The following XYLT1 variants were observed in gnomAD, a reference collection of about 807,000 sequenced individuals.
XYLT1 encodes the protein beta-D-xylosyltransferase 1.
A neutral mutation model predicts 91.3 loss-of-function variants in XYLT1; 36 were observed. That is an observed-to-expected ratio of 0.39 (90% confidence interval 0.30 to 0.52). The LOEUF is 0.52. XYLT1 is among the 20% of genes least tolerant of loss of function. The pLI, the probability that XYLT1 is intolerant of heterozygous loss-of-function variation, is 0.68. For missense variants in XYLT1, 1,242 were observed against 1,284.5 expected (o/e 0.97, Z 0.51); for synonymous variants, 588 against 532.0 (o/e 1.11, Z -1.45).
At chr16:17,454,303 T>C (rs902983139) in intron 1 of XYLT1, among the ~76,000 whole-genome samples, 1 of 152,258 alleles carries the variant, frequency 6.6e-6, no homozygotes, top group African/African-American at 2.4e-5. Flanking sequence ...TAAATTGTGG[T>C]ATATTCCACA....
intron 5 of XYLT1, among the ~76,000 whole-genome samples, chr16:17,177,584 T>C (rs1190785484): frequency 6.6e-6 from 1 of 152,190 alleles, no homozygotes. Flanking sequence ...CTAGAATGTA[T>C]GAATGAATGA....
intron 2 of XYLT1, among the ~76,000 whole-genome samples, chr16:17,331,937 G>T (rs1464312040): frequency 6.6e-6 from 1 of 152,236 alleles, no homozygotes; most frequent in African/African-American, 2.4e-5. Flanking sequence ...GTCTCAGCAA[G>T]ACCAGGTACA....
chr16:17,335,218 C>G (rs1236904282), intron 2 of XYLT1, among the ~76,000 whole-genome samples: 1 of 146,738 alleles, frequency 6.8e-6, no homozygotes, highest in Non-Finnish European at 1.5e-5. Flanking sequence ...GACTCTGTCT[C>G]AAAAAAACAA....
At chr16:17,157,893 C>T (rs1282899348) in intron 6 of XYLT1, among the ~76,000 whole-genome samples, 4 of 152,178 alleles carry the variant, frequency 2.6e-5, no homozygotes, top group African/African-American at 9.7e-5. Flanking sequence ...GAATTACAGG[C>T]ATGTGCCACC....
At chr16:17,303,762 TG>T (rs1211942044) in intron 2 of XYLT1, among the ~76,000 whole-genome samples, 22 of 152,254 alleles carry the variant, frequency 1.4e-4, no homozygotes, top group African/African-American at 5.1e-4. Flanking sequence ...TATGATTAGT[TG>T]ATCAATGGGA....
In XYLT1 at chr16:17,259,372, G is replaced by A. The variant is rs1383032409; in HGVS notation, c.529C>T (p.His177Tyr). The change falls in exon 3 of 12, where the codon CAC becomes TAC. Residue 177 changes from histidine (H) to tyrosine (Y), a missense_variant. By Grantham distance (83) the His-to-Tyr change is moderately conservative. Around this residue, in one of 3 missense-constraint regions of XYLT1, gnomAD observed 437 missense variants for 411.5 expected, o/e 1.06. Coordinates refer to ENST00000261381, the MANE Select transcript of XYLT1 (RefSeq NM_022166.4). The stretch of plus-strand genomic sequence containing the variant: ...GGCTTCTTCGCCAACTCAGGCTGGT[G>A]CTTCTGCTTTTGAGTCCTGGGTGCG... The part of the protein sequence containing the change: ...NFAPRTQKQK[H>Y]QPELAKKPPS... The A allele has an allele frequency of 3.1e-6, 5 of 1,614,162 alleles. No homozygotes were observed. Among genetic ancestry groups the A allele is most frequent in the Non-Finnish European group, 8.5e-7 (1 of 1,180,034 alleles).
At chr16:17,188,570 G>A (rs976428611) in intron 5 of XYLT1, among the ~76,000 whole-genome samples, 1 of 152,130 alleles carries the variant, frequency 6.6e-6, no homozygotes, top group Non-Finnish European at 1.5e-5. Flanking sequence ...GCCTCCTCAG[G>A]GAAGCCATCC....
At chr16:17,345,999 C>T (rs1316190397) in intron 2 of XYLT1, among the ~76,000 whole-genome samples, 5 of 152,032 alleles carry the variant, frequency 3.3e-5, no homozygotes, top group East Asian at 1.9e-4. Flanking sequence ...TTAGTAAAGA[C>T]GGGGTCTCGC....
chr16:17,292,064 T>C (rs1288380943), intron 2 of XYLT1, among the ~76,000 whole-genome samples: 1 of 148,206 alleles, frequency 6.7e-6, no homozygotes, highest in African/African-American at 2.6e-5. Context: ...CCGGGCATGG[T>C]GGTGCCCACT....
chr16:17,462,620 T>C (rs1394400876), intron 1 of XYLT1, among the ~76,000 whole-genome samples: 2 of 152,138 alleles, frequency 1.3e-5, no homozygotes, highest in South Asian at 2.1e-4. Flanking sequence ...CAGGTACAAG[T>C]GGCGGGCTCC....
At chr16:17,367,087 C>T (rs1001430573) in intron 1 of XYLT1, among the ~76,000 whole-genome samples, 1 of 152,166 alleles carries the variant, frequency 6.6e-6, no homozygotes, top group Non-Finnish European at 1.5e-5. Context: ...TCACCATGAT[C>T]CTCTCACACT....
intron 2 of XYLT1, among the ~76,000 whole-genome samples, chr16:17,340,112 C>A (rs1387051332): frequency 1.3e-5 from 2 of 152,052 alleles, no homozygotes; most frequent in Non-Finnish European, 2.9e-5. Flanking sequence ...ATCCACCCAC[C>A]CATCCTGTAT....
At chr16:17,151,087 C>T (rs898732767) in intron 6 of XYLT1, among the ~76,000 whole-genome samples, 7 of 152,288 alleles carry the variant, frequency 4.6e-5, no homozygotes, top group Admixed American at 6.5e-5. Context: ...AGGGAAACTC[C>T]GCAGTCAGCA....
chr16:17,174,197 G>A (rs1030965608), intron 5 of XYLT1, among the ~76,000 whole-genome samples: 1 of 152,142 alleles, frequency 6.6e-6, no homozygotes, highest in African/African-American at 2.4e-5. Flanking sequence ...AAATTCCTCT[G>A]TTTTTCTACT....
chr16:17,441,412 G>C (rs1389641181), intron 1 of XYLT1, among the ~76,000 whole-genome samples: 1 of 152,090 alleles, frequency 6.6e-6, no homozygotes, highest in Non-Finnish European at 1.5e-5. Context: ...ATTTCCGGTT[G>C]CTTTTAATAC....
Position 17,138,508 on chromosome 16 carries a change from C to T in XYLT1, c.1611G>A (p.Glu537=). ...CCATGGTGTCGCAGTGGGGGCTGTT[C>T]TCCAGGACCGTATGGAAGAAGGACT... The part of the protein sequence containing the change: ...PAESFFHTVL[E]NSPHCDTMVD... Residue 537 remains glutamate, a synonymous_variant, in exon 8 of 12, where the codon GAG becomes GAA. Transcript: ENST00000261381. The T allele has an allele frequency of 1.2e-6, 2 of 1,613,712 alleles. No individual in the cohort carries two copies. The highest frequency in any genetic ancestry group is 1.3e-5 in the African/African-American group (1 of 75,020).
At chr16:17,236,207 C>A (rs1237874265) in intron 3 of XYLT1, among the ~76,000 whole-genome samples, 1 of 152,144 alleles carries the variant, frequency 6.6e-6, no homozygotes, top group Non-Finnish European at 1.5e-5. Flanking sequence ...ATACAAGCAT[C>A]TGATTTTTAA....
chr16:17,438,491 T>C lies in XYLT1; in HGVS notation c.363+31943A>G, dbSNP rs114744761. On this transcript the variant is annotated intron_variant, in intron 1 of 11. Transcript: ENST00000261381. The stretch of plus-strand genomic sequence containing the variant: ...TACGTAAGAGTGGAGGACTGTCAGA[T>C]ACTTGACTATATGTAAGGTAGACAC... Among the ~76,000 whole-genome samples the C allele has an allele frequency of 1.1e-3, 171 of 152,280 alleles. 1 individual carries two copies. Among genetic ancestry groups the C allele is most frequent in the African/African-American group, 4.0e-3 (167 of 41,554 alleles).
rs145986380 is a variant in XYLT1, at chr16:17,235,551, G to A, written c.913+23437C>T. On this transcript the variant is annotated intron_variant, in intron 3 of 11. Transcript: ENST00000261381. ...GCCTCTCAGTATTTCTTGTATGCAC[G>A]AAAGGGACTGTTTGTTTCTCAGTCC... is the stretch of plus-strand genomic sequence containing the variant. Among the ~76,000 whole-genome samples the A allele has an allele frequency of 5.6e-4, 86 of 152,286 alleles. 2 individuals carry two copies. The East Asian group carries it at 0.015, about 27-fold the overall frequency.
Sources: gnomAD v4.1 joint callset for allele counts (sites outside exome capture counted in the v4.1 genomes callset) on GRCh38, gnomAD v4.1.1 for gene constraint, gnomAD v4.1.1 regional missense constraint, MANE v1.5 for transcripts, NCBI Gene and HGNC (gene_info 2026-07-23, HGNC 2026-07-21) for gene names.